SLC9A9: variants seen among roughly 807,000 people sequenced by gnomAD.
SLC9A9 encodes sodium/hydrogen exchanger 9.
A neutral mutation model predicts 77.8 loss-of-function variants in SLC9A9; 62 were observed. That is an observed-to-expected ratio of 0.80 (90% CI 0.65 to 0.98). SLC9A9 has a LOEUF of 0.98. Among genes scored for constraint, SLC9A9 ranks in the 50% least tolerant of loss-of-function variants. The pLI is 0.00. For synonymous variants in SLC9A9, 320 were observed against 283.5 expected (o/e 1.13, Z -1.29); for missense variants, 775 against 774.9 (o/e 1.00, Z 0.00).
At chr3:143,352,695 C>T (rs2352730) in intron 14 of SLC9A9, among the ~76,000 whole-genome samples, 82,479 of 152,100 alleles carry the variant, frequency 0.54, 23,608 homozygotes, top group African/African-American at 0.73. Flanking sequence ...TGATACTTTT[C>T]TATATTAACT....
intron 2 of SLC9A9, among the ~76,000 whole-genome samples, chr3:143,824,453 G>A (rs1449104183): frequency 6.6e-6 from 1 of 152,162 alleles, no homozygotes; most frequent in Non-Finnish European, 1.5e-5. Context: ...TCACCTCAGT[G>A]AGGCCTTCTC....
At chr3:143,365,481 T>C (rs1174188527) in intron 13 of SLC9A9, among the ~76,000 whole-genome samples, 1 of 152,204 alleles carries the variant, frequency 6.6e-6, no homozygotes, top group African/African-American at 2.4e-5. Flanking sequence ...AAATGAGCAT[T>C]GCAAATCTTC....
intron 11 of SLC9A9, among the ~76,000 whole-genome samples, chr3:143,478,452 A>G (rs1317609355): frequency 6.6e-6 from 1 of 152,194 alleles, no homozygotes; most frequent in African/African-American, 2.4e-5. Flanking sequence ...TCTTCCAGGC[A>G]GAGTCAGCAG....
Position 143,832,090 on chromosome 3 carries a change from C to A in SLC9A9, c.307G>T (p.Glu103Ter). The A allele has an allele frequency of 6.2e-7, 1 of 1,612,978 alleles. No homozygotes were observed. ...CTTATTTCTCTTTTGTATTTATATTCATAAACTTGGTCAGTGATATTAACC... is the reference window on the plus strand; with the variant it reads ...CTTATTTCTCTTTTGTATTTATATTAATAAACTTGGTCAGTGATATTAACC... ...LLVNITDQVY[E>*]YKYKREISQH... is the part of the protein sequence containing the mutation. The change falls in exon 2 of 16, where the codon GAA becomes TAA. Residue 103 changes from glutamate (E) to a stop codon, truncating the protein, a stop_gained. Transcript: ENST00000316549. LOFTEE classifies it high-confidence loss of function.
At chr3:143,331,658 C>T (rs942068167) in intron 14 of SLC9A9, among the ~76,000 whole-genome samples, 1 of 152,172 alleles carries the variant, frequency 6.6e-6, no homozygotes, top group African/African-American at 2.4e-5. Flanking sequence ...GCGTTGGTTA[C>T]TTGCCGGGCA....
chr3:143,655,386 G>C (rs886568868), intron 5 of SLC9A9: 1 of 825,160 alleles, frequency 1.2e-6, no homozygotes, highest in Non-Finnish European at 1.5e-6. Flanking sequence ...GGGACCACAA[G>C]AGGAAAACAC....
intron 2 of SLC9A9, among the ~76,000 whole-genome samples, chr3:143,807,011 C>T (rs1450170278): frequency 6.6e-6 from 1 of 152,190 alleles, no homozygotes; most frequent in African/African-American, 2.4e-5. Flanking sequence ...CCTCCCTTCA[C>T]CCTTCCTCAT....
intron 14 of SLC9A9, among the ~76,000 whole-genome samples, chr3:143,326,301 A>G (rs915853905): frequency 5.9e-5 from 9 of 152,168 alleles, no homozygotes; most frequent in African/African-American, 1.7e-4. Flanking sequence ...GTGATCTGTA[A>G]AATAGTCAAT....
intron 15 of SLC9A9, among the ~76,000 whole-genome samples, chr3:143,268,282 C>CA (rs1937788163): frequency 6.6e-6 from 1 of 152,200 alleles, no homozygotes; most frequent in Non-Finnish European, 1.5e-5. Context: ...TTCAAAACCT[C>CA]AAAACCTCAA....
chr3:143,556,516 C>T (rs899467033), intron 8 of SLC9A9, among the ~76,000 whole-genome samples: 1 of 152,224 alleles, frequency 6.6e-6, no homozygotes, highest in African/African-American at 2.4e-5. Flanking sequence ...AATGATACAC[C>T]TCAGAAAGGG....
chr3:143,586,527 G>A (rs1286953711), intron 6 of SLC9A9, among the ~76,000 whole-genome samples: 1 of 152,072 alleles, frequency 6.6e-6, no homozygotes, highest in Non-Finnish European at 1.5e-5. Flanking sequence ...CAATTACAGT[G>A]CTATTTTGTG....
intron 1 of SLC9A9, among the ~76,000 whole-genome samples, chr3:143,836,718 T>C (rs982183730): frequency 1.3e-5 from 2 of 152,158 alleles, no homozygotes; most frequent in African/African-American, 2.4e-5. Context: ...ATTATCCACA[T>C]TGAAAATAAG....
rs749166851 is a variant in SLC9A9, at chr3:143,578,657, A to G, written c.822T>C (p.Ser274=). ...CGAAGATTCCCAGGAAATTCCCCAC[A>G]GACTGGAAGAATGCTGCGGCATCAA... ...NAFDAAAFFQ[S]VGNFLGIFAG... The change falls in exon 7 of 16, where the codon TCT becomes TCC. Residue 274 remains serine, a synonymous_variant. Transcript: ENST00000316549. 2.5e-6 allele frequency: 4 copies of G among 1,614,106 alleles called. No homozygotes were observed. The highest frequency in any genetic ancestry group is 1.3e-5 in the African/African-American group (1 of 75,044).
intron 5 of SLC9A9, chr3:143,655,413 A>G (rs2038871861): frequency 1.1e-6 from 1 of 937,856 alleles, no homozygotes; most frequent in Non-Finnish European, 1.3e-6. Context: ...CATCGTGTGG[A>G]TAGGAAGGGG....
intron 14 of SLC9A9, among the ~76,000 whole-genome samples, chr3:143,276,530 C>G (rs1938052632): frequency 1.3e-5 from 2 of 152,166 alleles, no homozygotes; most frequent in Admixed American, 6.5e-5. Context: ...TGCATTTTAT[C>G]TGATCTTCTA....
intron 13 of SLC9A9, among the ~76,000 whole-genome samples, chr3:143,370,137 A>G (rs941532347): frequency 6.6e-6 from 1 of 152,196 alleles, no homozygotes; most frequent in Non-Finnish European, 1.5e-5. Flanking sequence ...TTAAGCCACT[A>G]TATTTTAGGA....
At chr3:143,284,752 T>G (rs551298802) in intron 14 of SLC9A9, among the ~76,000 whole-genome samples, 1 of 152,288 alleles carries the variant, frequency 6.6e-6, no homozygotes, top group East Asian at 1.9e-4. Context: ...AAATACTTTT[T>G]CAAAAAACTT....
intron 12 of SLC9A9, among the ~76,000 whole-genome samples, chr3:143,445,628 G>A (rs1176989584): frequency 6.6e-6 from 1 of 152,138 alleles, no homozygotes; most frequent in African/African-American, 2.4e-5. Flanking sequence ...GAGTCAAGCA[G>A]ATCTGTAGCT....
At chr3:143,564,894 G>T (rs894905235) in intron 8 of SLC9A9, among the ~76,000 whole-genome samples, 3 of 152,088 alleles carry the variant, frequency 2.0e-5, no homozygotes, top group Admixed American at 1.3e-4. Context: ...ACATAGTAAT[G>T]AGTACTTATG....
Sources: gnomAD v4.1 joint callset for allele counts (sites outside exome capture counted in the v4.1 genomes callset) on GRCh38, gnomAD v4.1.1 for gene constraint, MANE v1.5 for transcripts, NCBI Gene and HGNC (gene_info 2026-07-23, HGNC 2026-07-21) for gene names.